CNTN6: variants seen among roughly 807,000 people sequenced by gnomAD.
The protein encoded by CNTN6 is contactin-6.
A neutral mutation model predicts 122.8 loss-of-function variants in CNTN6; 137 were observed. The ratio of observed to expected loss-of-function variants is 1.12; its 90% CI spans 0.97 to 1.29. The LOEUF (loss-of-function observed/expected upper bound fraction) is 1.29. Ranked by LOEUF, CNTN6 falls within the 50% of genes most tolerant of loss-of-function variation. CNTN6 has a pLI of 0.00. For synonymous variants in CNTN6, 570 were observed against 426.0 expected, an observed-to-expected ratio of 1.34 and a Z score of -4.16; for missense variants, 1,634 against 1,223.4, an observed-to-expected ratio of 1.34 and a Z score of -5.01.
At chr3:1,184,543 T>A (rs1366578055) in intron 2 of CNTN6, among the ~76,000 whole-genome samples, 2 of 152,146 alleles carry the variant, frequency 1.3e-5, no homozygotes, top group Admixed American at 6.6e-5. Flanking sequence ...GTCTATGAAG[T>A]TCAGGTATTT....
chr3:1,251,359 T>C (rs2094665321), intron 4 of CNTN6, among the ~76,000 whole-genome samples: 1 of 152,226 alleles, frequency 6.6e-6, no homozygotes. Flanking sequence ...TTGACTCTGC[T>C]AGATCCTATA....
chr3:1,268,572 A>G (rs183781800), intron 4 of CNTN6, among the ~76,000 whole-genome samples: 1 of 133,590 alleles, frequency 7.5e-6, no homozygotes, highest in African/African-American at 3.0e-5. Flanking sequence ...GAGCCACTGC[A>G]CTCCAGCCTG....
At chr3:1,386,261 GTTTT>G (rs200389581) in intron 20 of CNTN6, among the ~76,000 whole-genome samples, 4 of 152,010 alleles carry the variant, frequency 2.6e-5, no homozygotes, top group Non-Finnish European at 4.4e-5. Context: ...TCAGTAAATG[GTTTT>G]TTTGTTTTGT....
intron 11 of CNTN6, among the ~76,000 whole-genome samples, chr3:1,348,334 A>C (rs942617860): frequency 6.6e-6 from 1 of 151,982 alleles, no homozygotes; most frequent in African/African-American, 2.4e-5. Flanking sequence ...GAGGAAAAAC[A>C]ATCCTTAGTA....
intron 12 of CNTN6, among the ~76,000 whole-genome samples, chr3:1,365,369 T>C (rs1229516215): frequency 6.6e-6 from 1 of 152,084 alleles, no homozygotes; most frequent in Non-Finnish European, 1.5e-5. Flanking sequence ...ATTTCTAAAT[T>C]ATTTAGAATT....
At chr3:1,167,652 T>C (rs1247795371) in intron 2 of CNTN6, among the ~76,000 whole-genome samples, 1 of 152,040 alleles carries the variant, frequency 6.6e-6, no homozygotes, top group African/African-American at 2.4e-5. Context: ...TTGGCCCCAT[T>C]TTACAGATGG....
intron 4 of CNTN6, among the ~76,000 whole-genome samples, chr3:1,253,863 C>G (rs1463078986): frequency 6.6e-6 from 1 of 152,090 alleles, no homozygotes; most frequent in African/African-American, 2.4e-5. Flanking sequence ...GACTGCTGAT[C>G]TAAGGAATAA....
intron 20 of CNTN6, 129 bp downstream of exon 20, chr3:1,385,926 C>T: frequency 1.2e-6 from 1 of 821,898 alleles, no homozygotes; most frequent in Non-Finnish European, 1.9e-6. Context: ...TTGGTTTGTC[C>T]CTTAAATATG....
chr3:1,289,627 G>C (rs1694939518), intron 5 of CNTN6, among the ~76,000 whole-genome samples: 1 of 151,762 alleles, frequency 6.6e-6, no homozygotes, highest in South Asian at 2.1e-4. Flanking sequence ...CCAGTGTGAT[G>C]ATGCAGAGGA....
At chr3:1,130,916 G>A (rs1322680484) in intron 1 of CNTN6, among the ~76,000 whole-genome samples, 1 of 152,052 alleles carries the variant, frequency 6.6e-6, no homozygotes, top group Non-Finnish European at 1.5e-5. Context: ...AATTAAGATG[G>A]AACTTACTTA....
chr3:1,340,522 G>A (rs952113918), intron 11 of CNTN6, among the ~76,000 whole-genome samples: 1 of 152,136 alleles, frequency 6.6e-6, no homozygotes, highest in South Asian at 2.1e-4. Context: ...ATGGCATGGA[G>A]AGGTAGATAT....
At chr3:1,248,311 A>G (rs567392523) in intron 4 of CNTN6, among the ~76,000 whole-genome samples, 2 of 152,320 alleles carry the variant, frequency 1.3e-5, no homozygotes, top group South Asian at 4.1e-4. Flanking sequence ...AATAAACCAC[A>G]TGAGTATTTC....
intron 7 of CNTN6, among the ~76,000 whole-genome samples, chr3:1,321,059 C>T (rs903256648): frequency 1.3e-4 from 19 of 151,346 alleles, no homozygotes; most frequent in African/African-American, 2.2e-4. Context: ...AGCCTATTTA[C>T]CAGTTCATAT....
At chr3:1,135,259 T>C (rs2092442521) in intron 1 of CNTN6, among the ~76,000 whole-genome samples, 1 of 152,172 alleles carries the variant, frequency 6.6e-6, no homozygotes, top group Non-Finnish European at 1.5e-5. Context: ...TCCCAGAGTT[T>C]TACAGCATCA....
At chr3:1,146,267 C>G (rs1417263964) in intron 1 of CNTN6, among the ~76,000 whole-genome samples, 1 of 152,104 alleles carries the variant, frequency 6.6e-6, no homozygotes, top group Admixed American at 6.6e-5. Flanking sequence ...TTCCCTTTCT[C>G]CAACCTTGTC....
intron 2 of CNTN6, among the ~76,000 whole-genome samples, chr3:1,213,855 A>G (rs894523698): frequency 1.3e-5 from 2 of 152,100 alleles, no homozygotes; most frequent in Non-Finnish European, 2.9e-5. Context: ...TCTAAGGTTA[A>G]AAGATACAAT....
intron 3 of CNTN6, among the ~76,000 whole-genome samples, chr3:1,225,799 G>A (rs1278729885): frequency 6.6e-6 from 1 of 150,876 alleles, no homozygotes; most frequent in Non-Finnish European, 1.5e-5. Context: ...CTAGGCAAAT[G>A]AAATGTACTC....
At chr3:1,303,892 A>G (rs1697872976) in intron 7 of CNTN6, among the ~76,000 whole-genome samples, 1 of 152,130 alleles carries the variant, frequency 6.6e-6, no homozygotes, top group Non-Finnish European at 1.5e-5. Flanking sequence ...GAAATCCCCA[A>G]CTGAATGCTT....
At chr3:1,314,846 A>G (rs1275280659) in intron 7 of CNTN6, among the ~76,000 whole-genome samples, 1 of 152,080 alleles carries the variant, frequency 6.6e-6, no homozygotes, top group Non-Finnish European at 1.5e-5. Context: ...GGCAACCTTC[A>G]TTTAGAAAAT....
Sources: allele counts gnomAD v4.1 joint callset (sites outside exome capture counted in the v4.1 genomes callset), GRCh38; gene constraint gnomAD v4.1.1; transcripts MANE v1.5; gene names NCBI Gene and HGNC (gene_info 2026-07-23, HGNC 2026-07-21).